Variants in HSD17B12 observed in about 807,000 individuals in gnomAD.
The protein encoded by HSD17B12 is very-long-chain 3-oxoacyl-CoA reductase.
HSD17B12 carries 32 observed loss-of-function variants against 39.3 expected under a neutral mutation model. That is an observed-to-expected ratio of 0.81 (90% CI 0.61 to 1.09). The LOEUF is 1.09. Among genes scored for constraint, HSD17B12 ranks in the 50% least tolerant of loss-of-function variants. HSD17B12 has a pLI of 0.00. For synonymous variants in HSD17B12, 150 were observed against 146.7 expected (o/e 1.02, Z -0.16); for missense variants, 342 against 382.9 (o/e 0.89, Z 0.89).
At chr11:43,786,670 G>A (rs1250206860) in intron 3 of HSD17B12, among the ~76,000 whole-genome samples, 1 of 152,202 alleles carries the variant, frequency 6.6e-6, no homozygotes, top group Non-Finnish European at 1.5e-5. Flanking sequence ...TTCCTGGTTT[G>A]AGATTATTTC....
At chr11:43,695,087 G>A (rs770032651) in intron 1 of HSD17B12, among the ~76,000 whole-genome samples, 8 of 152,170 alleles carry the variant, frequency 5.3e-5, no homozygotes, top group Non-Finnish European at 7.4e-5. Flanking sequence ...TTGGGAGGCC[G>A]AGGCAGGAGA....
rs549423256 is a variant in HSD17B12, at chr11:43,839,898, A to G, written c.619-101A>G. The G allele has an allele frequency of 9.2e-5, 87 of 943,312 alleles. No homozygotes were observed. The African/African-American group carries it at 1.2e-3, about 13-fold the overall frequency. The allele number at this position is 943,312 out of a possible 1,614,324, so 58.4% of individuals were successfully genotyped here. On this transcript the variant is annotated intron_variant, in intron 8 of 10. Transcript: ENST00000278353. ...GAAATGAAAAAAATGATGAGAAATTATAGCATTAAATGATTAGTTTATTAT... is the reference window on the plus strand; with the variant it reads ...GAAATGAAAAAAATGATGAGAAATTGTAGCATTAAATGATTAGTTTATTAT...
chr11:43,754,444 C>T (rs993076781), intron 3 of HSD17B12, among the ~76,000 whole-genome samples: 42 of 151,970 alleles, frequency 2.8e-4, no homozygotes, highest in Non-Finnish European at 1.6e-4. Flanking sequence ...GGTATGGTGG[C>T]GGGCACCTGT....
chr11:43,629,507 T>C, the HSD17B12 span, among the ~76,000 whole-genome samples: 1 of 152,194 alleles, frequency 6.6e-6, no homozygotes, highest in Admixed American at 6.5e-5. Flanking sequence ...ACACAGATGA[T>C]TGTGGTCGTA....
At chr11:43,758,990 G>T (rs1256619809) in intron 3 of HSD17B12, among the ~76,000 whole-genome samples, 1 of 152,144 alleles carries the variant, frequency 6.6e-6, no homozygotes, top group Admixed American at 6.5e-5. Flanking sequence ...AAACTAATTC[G>T]TGGATCAGGC....
intron 6 of HSD17B12, among the ~76,000 whole-genome samples, chr11:43,828,638 A>G (rs986300208): frequency 6.6e-6 from 1 of 152,120 alleles, no homozygotes; most frequent in African/African-American, 2.4e-5. Context: ...TGGTGCAGCA[A>G]TTATCACCTG....
intron 3 of HSD17B12, among the ~76,000 whole-genome samples, chr11:43,777,096 T>G (rs1479534705): frequency 3.3e-5 from 5 of 152,204 alleles, no homozygotes; most frequent in African/African-American, 1.2e-4. Context: ...TGGGCTCTTT[T>G]TTGGTTCCAT....
chr11:43,691,562 A>G (rs1401713769), intron 1 of HSD17B12, among the ~76,000 whole-genome samples: 3 of 152,132 alleles, frequency 2.0e-5, no homozygotes, highest in Admixed American at 2.0e-4. Flanking sequence ...TTCTCCTAAT[A>G]TATTGCCTCC....
the HSD17B12 span, among the ~76,000 whole-genome samples, chr11:43,566,534 CTTT>C: frequency 1.4e-5 from 2 of 144,962 alleles, no homozygotes; most frequent in Non-Finnish European, 3.1e-5. Flanking sequence ...TGACCCAGAA[CTTT>C]TTTTTTTTTT....
chr11:43,734,108 G>A (rs948465746), intron 1 of HSD17B12: 4 of 1,215,346 alleles, frequency 3.3e-6, no homozygotes, highest in Admixed American at 1.7e-5. Context: ...ATGAGCGTGT[G>A]CTGCCGTCCA....
chr11:43,734,741 G>A (rs1293286439), intron 1 of HSD17B12, among the ~76,000 whole-genome samples: 1 of 152,172 alleles, frequency 6.6e-6, no homozygotes, highest in Non-Finnish European at 1.5e-5. Flanking sequence ...CCAAAAAATG[G>A]GGGGGCAGGG....
the HSD17B12 span, among the ~76,000 whole-genome samples, chr11:43,629,899 T>C: frequency 7.2e-5 from 11 of 152,222 alleles, no homozygotes; most frequent in African/African-American, 2.7e-4. Flanking sequence ...AACATGTGTT[T>C]GTTTCATTTG....
chr11:43,840,823 T>G (rs1334273128), intron 9 of HSD17B12, among the ~76,000 whole-genome samples: 1 of 152,228 alleles, frequency 6.6e-6, no homozygotes, highest in African/African-American at 2.4e-5. Flanking sequence ...TAAATAATGC[T>G]AATATGAGCA....
At chr11:43,738,684 C>T (rs1025281592) in intron 1 of HSD17B12, among the ~76,000 whole-genome samples, 2 of 152,182 alleles carry the variant, frequency 1.3e-5, no homozygotes, top group Non-Finnish European at 2.9e-5. Flanking sequence ...AGTAAAACCT[C>T]ATTAATCACC....
At chr11:43,599,795 A>G in the HSD17B12 span, among the ~76,000 whole-genome samples, 3 of 152,246 alleles carry the variant, frequency 2.0e-5, no homozygotes, top group Non-Finnish European at 4.4e-5. Context: ...AAAATGGATC[A>G]TACTCTACCT....
chr11:43,575,797 G>T, the HSD17B12 span, among the ~76,000 whole-genome samples: 1 of 152,242 alleles, frequency 6.6e-6, no homozygotes, highest in East Asian at 1.9e-4. The surrounding 1 kb of genome is among the most constrained non-coding windows in gnomAD (Gnocchi z 4.1). Context: ...CTGCCTTCAT[G>T]AGTCTATTTT....
At chr11:43,798,996 A>C (rs1950940668) in intron 4 of HSD17B12, among the ~76,000 whole-genome samples, 1 of 152,072 alleles carries the variant, frequency 6.6e-6, no homozygotes, top group African/African-American at 2.4e-5. Flanking sequence ...ATGAATGTGG[A>C]GCTCACAGAT....
chr11:43,675,711 G>C (rs971160058), upstream of HSD17B12, among the ~76,000 whole-genome samples: 3 of 152,104 alleles, frequency 2.0e-5, no homozygotes, highest in Admixed American at 2.0e-4. Context: ...GGCTAAAAAT[G>C]CTTGTGATTT....
chr11:43,578,484 A>G, the HSD17B12 span, among the ~76,000 whole-genome samples: 1 of 152,184 alleles, frequency 6.6e-6, no homozygotes, highest in Non-Finnish European at 1.5e-5. Flanking sequence ...GCTTTTACCG[A>G]TGTGCAGAAT....
Sources: allele counts gnomAD v4.1 joint callset (sites outside exome capture counted in the v4.1 genomes callset), GRCh38; gene constraint gnomAD v4.1.1; non-coding constraint Gnocchi (gnomAD v3.1); transcripts MANE v1.5; gene names NCBI Gene and HGNC (gene_info 2026-07-23, HGNC 2026-07-21).